ZNF385D: variants seen among roughly 807,000 people sequenced by gnomAD.
The protein encoded by ZNF385D is zinc finger protein 385D.
ZNF385D carries 15 observed loss-of-function variants against 35.8 expected under a neutral mutation model. That is an observed-to-expected ratio of 0.42 (90% CI 0.28 to 0.64). ZNF385D has a LOEUF of 0.64. Among genes scored for constraint, ZNF385D ranks in the 30% least tolerant of loss-of-function variants. The pLI is 0.23. For missense variants in ZNF385D, 474 were observed against 494.6 expected (o/e 0.96, Z 0.39); for synonymous variants, 212 against 186.8 (o/e 1.13, Z -1.10).
chr3:21,823,100 T>TC (rs200030683), intron 3 of ZNF385D, among the ~76,000 whole-genome samples: 16,365 of 152,158 alleles, frequency 0.11, 1,141 homozygotes, highest in Non-Finnish European at 0.15. Flanking sequence ...TGTCATACTG[T>TC]ATACATATTA....
intron 2 of ZNF385D, among the ~76,000 whole-genome samples, chr3:21,633,616 C>T (rs1258463162): frequency 2.0e-5 from 3 of 152,020 alleles, no homozygotes; most frequent in Non-Finnish European, 4.4e-5. Flanking sequence ...CTGGGCTCTC[C>T]TGACTTCACT....
Position 22,108,634 on chromosome 3 carries a change from C to T in ZNF385D, c.325+60183G>A, listed in dbSNP as rs112784293. On this transcript the variant is annotated intron_variant, in intron 3 of 5. Transcript: ENST00000494108. ...GCCTTAGAAAAGTTACTTAACCTCT[C>T]TAAGGCCAATTCTCTCATCTGTGAA... 3.0e-4 allele frequency among the ~76,000 whole-genome samples: 45 copies of T among 152,264 alleles called. 1 individual carries two copies. Among genetic ancestry groups the T allele is most frequent in the African/African-American group, 1.0e-3 (43 of 41,554 alleles).
chr3:22,072,310 A>G (rs74458573), intron 3 of ZNF385D, among the ~76,000 whole-genome samples: 5,862 of 151,002 alleles, frequency 0.039, 156 homozygotes, highest in East Asian at 0.08. Context: ...TTGGCATTAT[A>G]TACTTCTTGG....
At chr3:22,036,131 G>C (rs1320080235) in intron 3 of ZNF385D, among the ~76,000 whole-genome samples, 3 of 152,162 alleles carry the variant, frequency 2.0e-5, no homozygotes, top group African/African-American at 7.2e-5. Flanking sequence ...ACAGTAGTTA[G>C]AGAAAAAATG....
intron 2 of ZNF385D, among the ~76,000 whole-genome samples, chr3:22,257,593 A>T (rs762987244): frequency 6.6e-6 from 1 of 151,814 alleles, no homozygotes; most frequent in Non-Finnish European, 1.5e-5. Flanking sequence ...AGAAGTTTAC[A>T]TCTATTGTGG....
rs1285508886 is a variant in ZNF385D, at chr3:21,415,346, T to C, written c.*5868A>G. 6.6e-6 allele frequency: 1 copy of C among 152,112 alleles called. No homozygotes were observed. The highest frequency in any genetic ancestry group is 1.5e-5 in the Non-Finnish European group (1 of 68,024). 9.4% of individuals were successfully genotyped at this position (152,112 alleles called of 1,614,324 possible). ...TAGCTGATGTGAAATGATACAATTG[T>C]ATGACCCAACTCAAACTGTTAGCAT... On this transcript the variant is annotated 3_prime_UTR_variant, in exon 8 of 8. Transcript: ENST00000281523.
chr3:21,965,978 G>C (rs547046614), intron 3 of ZNF385D, among the ~76,000 whole-genome samples: 25 of 152,140 alleles, frequency 1.6e-4, no homozygotes, highest in Non-Finnish European at 3.2e-4. Context: ...CTGTAAGTTT[G>C]AAATTATAGA....
intron 1 of ZNF385D, among the ~76,000 whole-genome samples, chr3:21,707,348 GAAGTC>G (rs1433249668): frequency 6.6e-6 from 1 of 152,164 alleles, no homozygotes; most frequent in Non-Finnish European, 1.5e-5. Context: ...GGTACAGTAG[GAAGTC>G]AAGCTTTCAT....
intron 3 of ZNF385D, among the ~76,000 whole-genome samples, chr3:22,065,759 G>C (rs567926714): frequency 6.6e-6 from 1 of 152,196 alleles, no homozygotes; most frequent in East Asian, 1.9e-4. Context: ...GCACATAAAT[G>C]TCTATCATGA....
intron 2 of ZNF385D, among the ~76,000 whole-genome samples, chr3:22,310,466 T>G: frequency 6.6e-6 from 1 of 152,022 alleles, no homozygotes; most frequent in East Asian, 1.9e-4. Flanking sequence ...CTGTCAGTTT[T>G]AGAACATTTA....
At chr3:22,053,106 C>T (rs1482037466) in intron 3 of ZNF385D, among the ~76,000 whole-genome samples, 2 of 81,636 alleles carry the variant, frequency 2.4e-5, no homozygotes, top group Non-Finnish European at 5.0e-5. Context: ...GCCTCGTTGC[C>T]GCCTTGCAGT....
intron 3 of ZNF385D, among the ~76,000 whole-genome samples, chr3:21,781,241 C>T (rs1038909932): frequency 2.0e-5 from 3 of 151,938 alleles, no homozygotes; most frequent in Non-Finnish European, 4.4e-5. Context: ...AAAGAAGGAG[C>T]TTTAGGAAAG....
chr3:21,733,193 T>C (rs1458025583), intron 1 of ZNF385D, among the ~76,000 whole-genome samples: 3 of 152,202 alleles, frequency 2.0e-5, no homozygotes, highest in African/African-American at 7.2e-5. Context: ...ACCAGTTGCT[T>C]ATCTTTACAT....
chr3:21,512,284 C>G (rs75077333), intron 3 of ZNF385D, among the ~76,000 whole-genome samples: 1 of 151,620 alleles, frequency 6.6e-6, no homozygotes, highest in Non-Finnish European at 1.5e-5. Context: ...AGATTCTTAA[C>G]TTAGGTTTTC....
chr3:21,499,498 G>A (rs566722600), intron 4 of ZNF385D, among the ~76,000 whole-genome samples: 8 of 152,074 alleles, frequency 5.3e-5, no homozygotes, highest in Non-Finnish European at 1.2e-4. Context: ...GGTGGGAGAA[G>A]GGTGAGGATT....
chr3:21,715,077 A>AT (rs1217599795), intron 1 of ZNF385D, among the ~76,000 whole-genome samples: 8 of 151,742 alleles, frequency 5.3e-5, no homozygotes, highest in Non-Finnish European at 7.4e-5. Flanking sequence ...CATATTTGCT[A>AT]TTTTTTTTGC....
At chr3:22,119,735 G>T (rs1451732712) in intron 3 of ZNF385D, among the ~76,000 whole-genome samples, 1 of 152,174 alleles carries the variant, frequency 6.6e-6, no homozygotes, top group African/African-American at 2.4e-5. Context: ...AGTAGATTTT[G>T]TGTCACAGGA....
intron 2 of ZNF385D, among the ~76,000 whole-genome samples, chr3:22,250,125 A>G (rs1699988486): frequency 6.6e-6 from 1 of 152,176 alleles, no homozygotes; most frequent in African/African-American, 2.4e-5. Context: ...AAGATGTGGT[A>G]AACTTCAAGG....
At chr3:21,864,886 G>A (rs1697253478) in intron 3 of ZNF385D, among the ~76,000 whole-genome samples, 1 of 151,648 alleles carries the variant, frequency 6.6e-6, no homozygotes, top group African/African-American at 2.4e-5. Flanking sequence ...CAAGTGGTGT[G>A]TGAAATGAAG....
Sources: gnomAD v4.1 joint callset for allele counts (sites outside exome capture counted in the v4.1 genomes callset) on GRCh38, gnomAD v4.1.1 for gene constraint, MANE v1.5 for transcripts, NCBI Gene and HGNC (gene_info 2026-07-23, HGNC 2026-07-21) for gene names.